The following ARL6IP5 variants were observed in gnomAD, a reference collection of about 807,000 sequenced individuals.
ARL6IP5 encodes PRA1 family protein 3.
A neutral mutation model predicts 13.0 loss-of-function variants in ARL6IP5; 6 were observed. The ratio of observed to expected loss-of-function variants is 0.46; its 90% confidence interval spans 0.25 to 0.91. The LOEUF (loss-of-function observed/expected upper bound fraction) is 0.91, where lower values mean the gene tolerates loss of function less well. ARL6IP5 is among the 40% of genes least tolerant of loss of function. The probability of loss-of-function intolerance (pLI) is 0.17; values close to 1 mark genes in which losing one functional copy is unlikely to be tolerated. For synonymous variants in ARL6IP5, 91 were observed against 91.9 expected (o/e 0.99, Z 0.06); for missense variants, 208 against 248.8 (o/e 0.84, Z 1.10).
At position 69,085,030 on chromosome 3, in the gene ARL6IP5, G is replaced by T. The variant is rs202151518; in HGVS notation, c.-18G>T. Reference sequence around the variant, plus strand: ...GCCGCCGCCAGATTCTGGAGGCGAAGAACGCAAAGCTGAGAACATGGACGT... The same window carrying T: ...GCCGCCGCCAGATTCTGGAGGCGAATAACGCAAAGCTGAGAACATGGACGT... On this transcript the variant is annotated 5_prime_UTR_variant, in exon 1 of 3. Coordinates refer to ENST00000273258, the MANE Select transcript of ARL6IP5 (RefSeq NM_006407.4). 57 of 1,608,448 alleles carry T rather than the reference G, an allele frequency of 3.5e-5. 1 individual carries two copies. The South Asian group carries it at 5.4e-4, about 15-fold the overall frequency.
chr3:69,100,990 CAA>C (rs1680131660), intron 1 of ARL6IP5, among the ~76,000 whole-genome samples: 1 of 151,884 alleles, frequency 6.6e-6, no homozygotes, highest in African/African-American at 2.4e-5. Flanking sequence ...CAAGAAATCC[CAA>C]GTTTTCTGGA....
chr3:69,102,628 G>A (rs2092309515), intron 2 of ARL6IP5, among the ~76,000 whole-genome samples: 2 of 152,182 alleles, frequency 1.3e-5, no homozygotes, highest in African/African-American at 4.8e-5. Flanking sequence ...TCATACAGCA[G>A]GAATGTGGCA....
chr3:69,084,948 C>G lies in ARL6IP5; in HGVS notation c.-100C>G. 6.8e-7 allele frequency: 1 copy of G among 1,463,360 alleles called. No individual in the cohort carries two copies. Among genetic ancestry groups the G allele is most frequent in the South Asian group, 1.3e-5 (1 of 76,786 alleles). The allele number at this position is 1,463,360 out of a possible 1,614,324, so 90.6% of individuals were successfully genotyped here. A position where few individuals can be genotyped will look rare whatever the true frequency, so the allele number is the denominator to read the frequency against. On this transcript the variant is annotated 5_prime_UTR_variant, in exon 1 of 3. Coordinates refer to ENST00000273258, the MANE Select transcript of ARL6IP5 (RefSeq NM_006407.4). ...GCTGTCTGCCAACCGCAAAGCCGAC[C>G]GAGACGGAGCCGCTGTCAACTCTCC...
intron 1 of ARL6IP5, among the ~76,000 whole-genome samples, chr3:69,091,461 T>C (rs2092265679): frequency 6.6e-6 from 1 of 151,858 alleles, no homozygotes; most frequent in Non-Finnish European, 1.5e-5. Context: ...GCCTGGCTAA[T>C]TGTTGTATTT....
In ARL6IP5 at chr3:69,104,599, A is replaced by G. The variant is rs371144203; in HGVS notation, c.530A>G (p.Asn177Ser). The change falls in exon 3 of 3, where the codon AAC becomes AGC. Residue 177 changes from asparagine to serine, a missense_variant. Coordinates refer to ENST00000273258, the MANE Select transcript of ARL6IP5 (RefSeq NM_006407.4). ...CTAGAACAGCAGGAAGAAGGCATCAACAGACTCACTGACTATATCAGCAAA... is the reference window on the plus strand; with the variant it reads ...CTAGAACAGCAGGAAGAAGGCATCAGCAGACTCACTGACTATATCAGCAAA... The part of the protein sequence containing the change: ...DALEQQEEGI[N>S]RLTDYISKVK... 1 of 1,614,114 alleles carries G rather than the reference A, an allele frequency of 6.2e-7. No individual in the cohort carries two copies. The highest frequency in any genetic ancestry group is 8.5e-7 in the Non-Finnish European group (1 of 1,179,972).
At chr3:69,092,499 T>C (rs1171003035) in intron 1 of ARL6IP5, among the ~76,000 whole-genome samples, 4 of 152,118 alleles carry the variant, frequency 2.6e-5, no homozygotes, top group Non-Finnish European at 4.4e-5. Flanking sequence ...TAAGACAGAG[T>C]CTCTCTGCAT....
intron 1 of ARL6IP5, among the ~76,000 whole-genome samples, chr3:69,101,436 C>T (rs1210326305): frequency 6.6e-6 from 1 of 151,492 alleles, no homozygotes; most frequent in Non-Finnish European, 1.5e-5. Context: ...GATCCTCCCA[C>T]CTCAGCCTCC....
chr3:69,098,822 G>A (rs1004874476), intron 1 of ARL6IP5, among the ~76,000 whole-genome samples: 4 of 152,054 alleles, frequency 2.6e-5, no homozygotes, highest in African/African-American at 9.7e-5. Flanking sequence ...GCACTTCAAT[G>A]TTTTAAAAAT....
intron 2 of ARL6IP5, chr3:69,102,316 G>A: frequency 2.1e-6 from 1 of 487,368 alleles, no homozygotes; most frequent in South Asian, 2.2e-5. Context: ...ACATTCTTTT[G>A]TTGTTGTTGA....
In ARL6IP5 at chr3:69,085,015, G is replaced by T. The variant is rs2092242953; in HGVS notation, c.-33G>T. ...TCGGTTGCCGCCGCCGCCGCCGCCA[G>T]ATTCTGGAGGCGAAGAACGCAAAGC... On this transcript the variant is annotated 5_prime_UTR_variant, in exon 1 of 3. Coordinates refer to ENST00000273258, the MANE Select transcript of ARL6IP5 (RefSeq NM_006407.4). The T allele has an allele frequency of 6.2e-7, 1 of 1,603,422 alleles. No homozygotes were observed. Among genetic ancestry groups the T allele is most frequent in the African/African-American group, 1.3e-5 (1 of 74,684 alleles).
rs1195302462 is a variant in ARL6IP5 at position 69,104,831 on chromosome 3, C to T, written c.*195C>T. 2.8e-6 allele frequency: 2 copies of T among 716,942 alleles called. No homozygotes were observed. Among genetic ancestry groups the T allele is most frequent in the Non-Finnish European group, 5.0e-6 (2 of 398,748 alleles). The allele number at this position is 716,942 out of a possible 1,614,324, so 44.4% of individuals were successfully genotyped here. A position where few individuals can be genotyped will look rare whatever the true frequency, so the allele number is the denominator to read the frequency against. ...GAAGACCTCAGAAACCGAAAGAAAACCACCACCCTCCTATTGTGTCTGAAG... is the reference window on the plus strand; with the variant it reads ...GAAGACCTCAGAAACCGAAAGAAAATCACCACCCTCCTATTGTGTCTGAAG... On this transcript the variant is annotated 3_prime_UTR_variant, in exon 3 of 3. Transcript: ENST00000273258.
At chr3:69,102,575 T>G (rs777829316) in intron 2 of ARL6IP5, among the ~76,000 whole-genome samples, 1 of 152,160 alleles carries the variant, frequency 6.6e-6, no homozygotes, top group Non-Finnish European at 1.5e-5. Context: ...CCATACATTC[T>G]TATGGGGACA....
At chr3:69,096,830 C>T (rs1464611319) in intron 1 of ARL6IP5, among the ~76,000 whole-genome samples, 3 of 151,900 alleles carry the variant, frequency 2.0e-5, no homozygotes, top group Admixed American at 6.6e-5. Flanking sequence ...TCTTGATCTC[C>T]TGACCTTGTG....
intron 1 of ARL6IP5, among the ~76,000 whole-genome samples, chr3:69,088,486 A>G (rs1055641816): frequency 2.0e-5 from 3 of 152,178 alleles, no homozygotes; most frequent in Admixed American, 6.5e-5. Flanking sequence ...ATGAGGATAG[A>G]GAGGGCCTCC....
rs79718550 is a variant in ARL6IP5 at position 69,094,613 on chromosome 3, G to A, written c.177-7226G>A. Reference sequence around the variant, plus strand: ...CCACACTTCAAAAATAGCTTTTTCGGCTAGAAAATTGGAACTCAGTGCAAA... The same window carrying A: ...CCACACTTCAAAAATAGCTTTTTCGACTAGAAAATTGGAACTCAGTGCAAA... On this transcript the variant is annotated intron_variant, in intron 1 of 2. Coordinates refer to ENST00000273258, the MANE Select transcript of ARL6IP5 (RefSeq NM_006407.4). Among the ~76,000 whole-genome samples, 96 of 152,144 alleles carry A rather than the reference G, an allele frequency of 6.3e-4. No homozygotes were observed. In the East Asian group the frequency reaches 0.017, roughly 26 times the overall value.
intron 1 of ARL6IP5, among the ~76,000 whole-genome samples, chr3:69,098,126 G>T (rs941461120): frequency 1.3e-5 from 2 of 151,104 alleles, no homozygotes; most frequent in African/African-American, 4.9e-5. Context: ...ACCCAGGCTG[G>T]AGTGCAGTGG....
At chr3:69,095,557 C>A (rs565175109) in intron 1 of ARL6IP5, among the ~76,000 whole-genome samples, 18 of 150,736 alleles carry the variant, frequency 1.2e-4, no homozygotes, top group African/African-American at 4.4e-4. Context: ...TGGAGTGGCA[C>A]AATCTCAGCT....
chr3:69,102,719 A>G (rs765501398), intron 2 of ARL6IP5, among the ~76,000 whole-genome samples: 2 of 152,254 alleles, frequency 1.3e-5, no homozygotes, highest in African/African-American at 4.8e-5. Flanking sequence ...GTCCTGACAC[A>G]GGAATGAATG....
rs1049319520 is a variant in ARL6IP5 at position 69,105,799 on chromosome 3, T to A, written c.*1163T>A. 6.6e-6 allele frequency: 1 copy of A among 152,230 alleles called. No homozygotes were observed. The highest frequency in any genetic ancestry group is 1.9e-4 in the East Asian group (1 of 5,188). 9.4% of individuals were successfully genotyped at this position (152,230 alleles called of 1,614,324 possible). On this transcript the variant is annotated 3_prime_UTR_variant, in exon 3 of 3. Coordinates refer to ENST00000273258, the MANE Select transcript of ARL6IP5 (RefSeq NM_006407.4). Reference sequence around the variant, plus strand: ...TAATAAAAAATGTTTTGCCTGCCAATTGAATGATTTCGTAGCTGAAGTAGA... The same window carrying A: ...TAATAAAAAATGTTTTGCCTGCCAAATGAATGATTTCGTAGCTGAAGTAGA...
Sources: allele counts gnomAD v4.1 joint callset (sites outside exome capture counted in the v4.1 genomes callset), GRCh38; gene constraint gnomAD v4.1.1; transcripts MANE v1.5; gene names NCBI Gene and HGNC (gene_info 2026-07-23, HGNC 2026-07-21).